Variants in NCOA6 observed in about 807,000 individuals in gnomAD.
NCOA6 encodes nuclear receptor coactivator 6, also known as NRC RAP250.
Under a neutral mutation model 171.4 loss-of-function variants are expected in NCOA6, and 49 were observed. The observed-to-expected ratio is 0.29, with a 90% CI of 0.23 to 0.36. The LOEUF (loss-of-function observed/expected upper bound fraction) is 0.36, where lower values mean the gene tolerates loss of function less well. Ranked by LOEUF, NCOA6 falls within the 10% of genes least tolerant of loss-of-function variation. The probability of loss-of-function intolerance (pLI) is 1.00; values close to 1 mark genes in which losing one functional copy is unlikely to be tolerated. For missense variants in NCOA6, 2,248 were observed against 2,554.5 expected (o/e 0.88, Z 2.59); for synonymous variants, 910 against 927.5 (o/e 0.98, Z 0.34).
chr20:34,782,092 A>G (rs771094725), intron 3 of NCOA6, 29 bp downstream of exon 3: 4 of 1,437,692 alleles, frequency 2.8e-6, no homozygotes, highest in Non-Finnish European at 3.8e-6. Context: ...AAACAGTAAC[A>G]GGAAGAAAAA....
chr20:34,765,610 TGTCCC>T (rs879404161), intron 5 of NCOA6, among the ~76,000 whole-genome samples: 3,718 of 152,230 alleles, frequency 0.024, 65 homozygotes, highest in South Asian at 0.05. Flanking sequence ...GGGGAAATTT[TGTCCC>T]CTGGGGGACA....
chr20:34,790,813 C>T (rs2077855128), intron 2 of NCOA6, among the ~76,000 whole-genome samples: 1 of 151,638 alleles, frequency 6.6e-6, no homozygotes. Context: ...CCATGCCTGG[C>T]TAATTTTGTT....
At chr20:34,804,193 C>T (rs569822917) in intron 1 of NCOA6, among the ~76,000 whole-genome samples, 82 of 151,872 alleles carry the variant, frequency 5.4e-4, no homozygotes, top group African/African-American at 1.9e-3. Context: ...AAAAATTAGC[C>T]GGGCGTGGTG....
intron 2 of NCOA6, among the ~76,000 whole-genome samples, chr20:34,786,512 G>A (rs1387545434): frequency 6.6e-6 from 1 of 152,062 alleles, no homozygotes; most frequent in Admixed American, 6.6e-5. Context: ...ACTTAACACT[G>A]TTTAACACTG....
At chr20:34,752,703 T>C (rs1346380328) in intron 8 of NCOA6, among the ~76,000 whole-genome samples, 2 of 151,810 alleles carry the variant, frequency 1.3e-5, no homozygotes, top group Non-Finnish European at 1.5e-5. Context: ...CCAAGGTGGG[T>C]GGATCACCTG....
At chr20:34,737,273 C>A (rs997176554) in intron 11 of NCOA6, among the ~76,000 whole-genome samples, 1 of 152,210 alleles carries the variant, frequency 6.6e-6, no homozygotes, top group South Asian at 2.1e-4. Flanking sequence ...TCAATTCATA[C>A]ATAATAAATA....
chr20:34,755,510 T>C (rs1356518599), intron 7 of NCOA6, among the ~76,000 whole-genome samples: 4 of 152,164 alleles, frequency 2.6e-5, no homozygotes, highest in Non-Finnish European at 5.9e-5. Context: ...ACAGGTTTGG[T>C]ACCAAAAACC....
chr20:34,758,664 A>G, intron 6 of NCOA6, 141 bp downstream of exon 6: 1 of 1,117,828 alleles, frequency 8.9e-7, no homozygotes. Flanking sequence ...TTTAGTTTGA[A>G]GAAATCAGGT....
chr20:34,814,577 C>T (rs760362942), intron 1 of NCOA6, among the ~76,000 whole-genome samples: 7 of 151,964 alleles, frequency 4.6e-5, no homozygotes, highest in Non-Finnish European at 8.8e-5. Context: ...TATGTACTTG[C>T]GGTATTTAAA....
intron 1 of NCOA6, chr20:34,819,847 G>A (rs775864307): frequency 6.6e-6 from 1 of 152,044 alleles, no homozygotes; most frequent in Non-Finnish European, 1.5e-5. Flanking sequence ...AAAGACTGAG[G>A]CGCAATGAGG....
At chr20:34,753,747 G>A (rs997513558) in intron 8 of NCOA6, among the ~76,000 whole-genome samples, 1 of 152,110 alleles carries the variant, frequency 6.6e-6, no homozygotes, top group Admixed American at 6.5e-5. Flanking sequence ...AGAAATTCAA[G>A]CAGTTTGCAC....
Position 34,746,814 on chromosome 20 carries a change from C to G in NCOA6, c.2907G>C (p.Arg969=). ...SGPKLPEFSN[R]PPGYPSQPVE... ...TAGCTAACATTTTATCACCTGGTGG[C>G]CGGTTTGAAAATTCTGGCAGTTTAG... Residue 969 remains arginine, a synonymous_variant, in exon 10 of 15, where the codon CGG becomes CGC. Transcript: ENST00000359003. 1 of 1,605,730 alleles carries G rather than the reference C, an allele frequency of 6.2e-7. No homozygotes were observed.
At chr20:34,792,776 AT>A (rs35924752) in intron 1 of NCOA6, among the ~76,000 whole-genome samples, 40,614 of 111,608 alleles carry the variant, frequency 0.36, 4,904 homozygotes, top group East Asian at 0.5. Flanking sequence ...ATCTTTTCTG[AT>A]TTTTTTTTTT....
intron 7 of NCOA6, among the ~76,000 whole-genome samples, chr20:34,756,364 C>G (rs1356458424): frequency 6.6e-6 from 1 of 152,158 alleles, no homozygotes; most frequent in Admixed American, 6.5e-5. Context: ...TGGGAACATG[C>G]CTTTGCTATG....
chr20:34,715,993 G>C (rs1988521000), intron 14 of NCOA6, among the ~76,000 whole-genome samples: 1 of 152,058 alleles, frequency 6.6e-6, no homozygotes, highest in Admixed American at 6.5e-5. Flanking sequence ...GAGGTGGGCG[G>C]ATTGCCTGAG....
Position 34,749,866 on chromosome 20 carries a change from G to T in NCOA6, c.2329C>A (p.Pro777Thr), listed in dbSNP as rs767096471. Reference protein sequence around the residue: ...LPQQGPVNNSPSQVMGIQGQV... With the variant: ...LPQQGPVNNSTSQVMGIQGQV... ...CCCTGAATGCCCATAACCTGAGATG[G>T]ACTGTTGTTCACAGGCCCTTGCTGG... The change falls in exon 9 of 15, where the codon CCA (proline) becomes ACA (threonine). Residue 777 changes from proline (P) to threonine (T), a missense_variant. Around this residue, in one of 7 missense-constraint regions of NCOA6, gnomAD observed 987 missense variants for 1,104.7 expected, o/e 0.89. Transcript: ENST00000359003. The T allele has an allele frequency of 6.8e-6, 11 of 1,614,242 alleles. No homozygotes were observed. The highest frequency in any genetic ancestry group is 9.3e-6 in the Non-Finnish European group (11 of 1,180,040).
intron 2 of NCOA6, among the ~76,000 whole-genome samples, chr20:34,789,075 A>C (rs1469641816): frequency 6.6e-6 from 1 of 152,258 alleles, no homozygotes; most frequent in Non-Finnish European, 1.5e-5. Flanking sequence ...AAAAGTATAT[A>C]CTATAGGTTA....
intron 1 of NCOA6, among the ~76,000 whole-genome samples, chr20:34,804,675 A>G (rs546011172): frequency 1.0e-3 from 152 of 152,176 alleles, no homozygotes; most frequent in African/African-American, 3.4e-3. Context: ...TATATAAAAC[A>G]TGTTACTTCC....
intron 1 of NCOA6, among the ~76,000 whole-genome samples, chr20:34,811,320 T>A (rs2146623826): frequency 6.7e-6 from 1 of 149,890 alleles, no homozygotes; most frequent in African/African-American, 2.5e-5. Context: ...CTAGAATTCC[T>A]CTGGCACCTG....
Sources: gnomAD v4.1 joint callset for allele counts (sites outside exome capture counted in the v4.1 genomes callset) on GRCh38, gnomAD v4.1.1 for gene constraint, gnomAD v4.1.1 regional missense constraint, MANE v1.5 for transcripts, NCBI Gene and HGNC (gene_info 2026-07-23, HGNC 2026-07-21) for gene names.